SPP2: variants seen among roughly 807,000 people sequenced by gnomAD.
SPP2 encodes the protein secreted phosphoprotein 24.
SPP2 carries 34 observed loss-of-function variants against 28.8 expected under a neutral mutation model. The ratio of observed to expected loss-of-function variants is 1.18; its 90% CI spans 0.90 to 1.57. The LOEUF (loss-of-function observed/expected upper bound fraction) is 1.57. Among genes scored for constraint, SPP2 ranks in the 40% most tolerant of loss-of-function variants. The pLI is 0.00. For missense variants in SPP2, 269 were observed against 263.9 expected (o/e 1.02, Z -0.13); for synonymous variants, 96 against 89.4 (o/e 1.07, Z -0.42).
chr2:234,050,737 T>C lies in SPP2; in HGVS notation c.-50T>C. 1.3e-6 allele frequency: 2 copies of C among 1,537,880 alleles called. No homozygotes were observed. Among genetic ancestry groups the C allele is most frequent in the Non-Finnish European group, 1.8e-6 (2 of 1,112,370 alleles). ...AAAGACAGCTCCTCTTAGGAAGAAC[T>C]GTCATCCCCAAACACATAGAGAGAC... On this transcript the variant is annotated 5_prime_UTR_variant, in exon 1 of 8. Coordinates refer to ENST00000168148, the MANE Select transcript of SPP2 (RefSeq NM_006944.3).
At chr2:234,076,027 A>G (rs1350796971) in intron 7 of SPP2, among the ~76,000 whole-genome samples, 2 of 152,092 alleles carry the variant, frequency 1.3e-5, no homozygotes, top group African/African-American at 4.8e-5. Context: ...CTAGCCTGCT[A>G]TGTTCAGCAT....
intron 4 of SPP2, among the ~76,000 whole-genome samples, chr2:234,064,744 T>C (rs1473189548): frequency 6.6e-6 from 1 of 152,212 alleles, no homozygotes; most frequent in East Asian, 1.9e-4. Flanking sequence ...TGGCAACCAC[T>C]AATCTACTTT....
At position 234,051,013 on chromosome 2, in the gene SPP2, C is replaced by T; in HGVS notation, c.128C>T (p.Ala43Val). 6.2e-7 allele frequency: 1 copy of T among 1,614,002 alleles called. No homozygotes were observed. The highest frequency in any genetic ancestry group is 8.5e-7 in the Non-Finnish European group (1 of 1,179,938). Residue 43 changes from alanine to valine, a missense_variant, in exon 2 of 8, where the codon GCC becomes GTC. By Grantham distance (64) the Ala-to-Val change is moderately conservative. Transcript: ENST00000168148. ...YDYDPSSLRD[A>V]LSASVVKVNS... ...TACGATCCATCCTCCTTAAGGGATG[C>T]CCTCAGTGCCTCTGTGGTAAAAGTG...
In SPP2 at chr2:234,070,232, G is replaced by A. The variant is rs1326397051; in HGVS notation, c.*10+209G>A. Among the ~76,000 whole-genome samples the A allele has an allele frequency of 1.3e-5, 2 of 152,108 alleles. 1 individual carries two copies. Among genetic ancestry groups the A allele is most frequent in the Non-Finnish European group, 2.9e-5 (2 of 68,024 alleles). On this transcript the variant is annotated intron_variant, in intron 7 of 7. Transcript: ENST00000168148. ...TTTTCCCATGACATTTGTATCTGTT[G>A]CCACTGATGTGGTCAAGTCTGTCCA...
chr2:234,070,654 G>A (rs560020860), intron 7 of SPP2, among the ~76,000 whole-genome samples: 23 of 152,172 alleles, frequency 1.5e-4, no homozygotes, highest in Middle Eastern at 3.4e-3. Context: ...TAGAGATAGC[G>A]TTTTACCATG....
chr2:234,062,331 G>C (rs994239122), intron 4 of SPP2, among the ~76,000 whole-genome samples: 6 of 152,166 alleles, frequency 3.9e-5, no homozygotes, highest in Non-Finnish European at 8.8e-5. Flanking sequence ...AGTGTGGAGG[G>C]GGAAGGGTAT....
chr2:234,057,235 G>A (rs1693626834), intron 2 of SPP2, among the ~76,000 whole-genome samples: 1 of 152,140 alleles, frequency 6.6e-6, no homozygotes, highest in Non-Finnish European at 1.5e-5. Flanking sequence ...TCGCTGCAGT[G>A]AGAATTAAAT....
chr2:234,054,396 C>A (rs757686376), intron 2 of SPP2, among the ~76,000 whole-genome samples: 3 of 151,994 alleles, frequency 2.0e-5, no homozygotes, highest in Non-Finnish European at 4.4e-5. Context: ...CTTGGGCCAC[C>A]GTAACAAAGT....
At chr2:234,067,065 G>T (rs1693835993) in intron 5 of SPP2, among the ~76,000 whole-genome samples, 159 bp from the exon 6 acceptor site, 1 of 152,202 alleles carries the variant, frequency 6.6e-6, no homozygotes, top group Admixed American at 6.5e-5. Context: ...TATGATTTAG[G>T]AGGCATTTTT....
At chr2:234,071,723 A>T (rs1287008984) in intron 7 of SPP2, among the ~76,000 whole-genome samples, 2 of 152,138 alleles carry the variant, frequency 1.3e-5, no homozygotes, top group Non-Finnish European at 2.9e-5. Flanking sequence ...GTCTGCCCAC[A>T]TCTCCAGCCT....
intron 6 of SPP2, among the ~76,000 whole-genome samples, chr2:234,067,777 CAAAAAAAAAAAAAA>C (rs56184185): frequency 2.7e-4 from 17 of 63,492 alleles, no homozygotes; most frequent in African/African-American, 1.0e-3. Flanking sequence ...GACTCCGTCT[CAAAAAAAAAAAAAA>C]AAAAAAAAAA....
At chr2:234,062,339 T>C (rs1157579973) in intron 4 of SPP2, among the ~76,000 whole-genome samples, 1 of 151,842 alleles carries the variant, frequency 6.6e-6, no homozygotes, top group African/African-American at 2.4e-5. Flanking sequence ...GGGGGAAGGG[T>C]ATTTCAAGCA....
At chr2:234,068,467 T>TGA (rs1442069754) in intron 6 of SPP2, among the ~76,000 whole-genome samples, 1 of 152,204 alleles carries the variant, frequency 6.6e-6, no homozygotes, top group African/African-American at 2.4e-5. Flanking sequence ...CCCATTAAAA[T>TGA]GAATAACAGA....
Position 234,060,373 on chromosome 2 carries a change from C to T in SPP2, c.338C>T (p.Thr113Ile), listed in dbSNP as rs780218526. The T allele has an allele frequency of 1.9e-6, 3 of 1,613,528 alleles. No individual in the cohort carries two copies. The highest frequency in any genetic ancestry group is 2.7e-5 in the African/African-American group (2 of 74,904). The part of the protein sequence containing the change: ...CAFQRDYYVS[T>I]AVCRSTVKVS... ...TCACCCCTTTGTCTTTTCCAGTCCA[C>T]AGCTGTTTGCAGAAGCACCGTGAAG... The change falls in exon 4 of 8, where the codon ACA becomes ATA. Residue 113 changes from threonine (T) to isoleucine (I), a missense_variant. Physicochemically the swap from Thr to Ile is moderately conservative, Grantham distance 89. Transcript: ENST00000168148.
intron 6 of SPP2, among the ~76,000 whole-genome samples, chr2:234,068,714 T>C (rs1314876127): frequency 6.6e-6 from 1 of 151,922 alleles, no homozygotes; most frequent in Non-Finnish European, 1.5e-5. Flanking sequence ...TTTTTTTTTT[T>C]TTTTTAAATC....
intron 4 of SPP2, among the ~76,000 whole-genome samples, chr2:234,062,846 T>A (rs1436688518): frequency 1.3e-5 from 2 of 152,226 alleles, no homozygotes; most frequent in African/African-American, 4.8e-5. Flanking sequence ...CTGTTGCAGC[T>A]TTCTAATTGC....
rs769033625 is a variant in SPP2 at position 234,060,386 on chromosome 2, A to G, written c.351A>G (p.Arg117=). 1 of 1,613,874 alleles carries G rather than the reference A, an allele frequency of 6.2e-7. No homozygotes were observed. Among genetic ancestry groups the G allele is most frequent in the Non-Finnish European group, 8.5e-7 (1 of 1,179,950 alleles). ...RDYYVSTAVC[R]STVKVSAQQV... ...TTTTCCAGTCCACAGCTGTTTGCAGAAGCACCGTGAAGGTATCTGCCCAGC... is the reference window on the plus strand; with the variant it reads ...TTTTCCAGTCCACAGCTGTTTGCAGGAGCACCGTGAAGGTATCTGCCCAGC... The change falls in exon 4 of 8, where the codon AGA becomes AGG. Residue 117 remains arginine, a synonymous_variant. Coordinates refer to ENST00000168148, the MANE Select transcript of SPP2 (RefSeq NM_006944.3).
chr2:234,052,021 A>C (rs1693508006), intron 2 of SPP2, among the ~76,000 whole-genome samples: 1 of 152,238 alleles, frequency 6.6e-6, no homozygotes, highest in African/African-American at 2.4e-5. Context: ...CAACATATTC[A>C]GCTTGATCTT....
At chr2:234,053,224 T>C (rs962656471) in intron 2 of SPP2, among the ~76,000 whole-genome samples, 2 of 152,246 alleles carry the variant, frequency 1.3e-5, no homozygotes, top group South Asian at 2.1e-4. Flanking sequence ...TAAAATTGTA[T>C]TTGAAAAGCA....
Sources: allele counts gnomAD v4.1 joint callset (sites outside exome capture counted in the v4.1 genomes callset), GRCh38; gene constraint gnomAD v4.1.1; transcripts MANE v1.5; gene names NCBI Gene and HGNC (gene_info 2026-07-23, HGNC 2026-07-21).